Variants in ELP1 observed in about 807,000 individuals in gnomAD.
The protein encoded by ELP1 is elongator complex protein 1.
In ELP1, 131 loss-of-function variants were observed where a neutral mutation model predicts 183.2. The observed-to-expected ratio is 0.72, with a 90% CI of 0.62 to 0.83. ELP1 has a LOEUF of 0.83. Ranked by LOEUF, ELP1 falls within the 40% of genes least tolerant of loss-of-function variation. ELP1 has a pLI of 0.00. For synonymous variants in ELP1, 555 were observed against 569.0 expected, an observed-to-expected ratio of 0.98 and a Z score of 0.35; for missense variants, 1,550 against 1,594.9, an observed-to-expected ratio of 0.97 and a Z score of 0.48.
At chr9:108,876,956 C>T (rs1827727638) in intron 35 of ELP1, among the ~76,000 whole-genome samples, 1 of 152,122 alleles carries the variant, frequency 6.6e-6, no homozygotes, top group African/African-American at 2.4e-5. Context: ...GTCACGAACT[C>T]CTGACTTCAG....
At chr9:108,914,727 A>T (rs1829367102) in intron 10 of ELP1, among the ~76,000 whole-genome samples, 1 of 152,018 alleles carries the variant, frequency 6.6e-6, no homozygotes, top group African/African-American at 2.4e-5. Context: ...CCAGGTTCAC[A>T]CCATTCTCCT....
chr9:108,872,263 T>C (rs1827484830), intron 36 of ELP1, among the ~76,000 whole-genome samples: 1 of 152,200 alleles, frequency 6.6e-6, no homozygotes, highest in Non-Finnish European at 1.5e-5. Context: ...ACACTTGAGC[T>C]CACTCACCAC....
intron 34 of ELP1, 61 bp from the exon 35 acceptor site, chr9:108,878,210 T>C: frequency 6.1e-6 from 9 of 1,472,294 alleles, no homozygotes; most frequent in Non-Finnish European, 7.6e-6. Flanking sequence ...GACAGAATCA[T>C]ACATAGCTTC....
chr9:108,928,940 T>C (rs1829907166), intron 3 of ELP1, among the ~76,000 whole-genome samples: 1 of 152,190 alleles, frequency 6.6e-6, no homozygotes, highest in South Asian at 2.1e-4. Flanking sequence ...GTGACCCTGG[T>C]CTAATTACTT....
rs2230788 is a variant in ELP1, at chr9:108,926,548, C to T, written c.441G>A (p.Gln147=). 0.09 allele frequency: 145,290 copies of T among 1,611,970 alleles called. 6,925 individuals carry two copies. Among genetic ancestry groups the T allele is most frequent in the East Asian group, 0.14 (6,362 of 44,848 alleles). Residue 147 remains glutamine (Q), a synonymous_variant, in exon 5 of 37, where the codon CAG becomes CAA. Coordinates refer to ENST00000374647, the MANE Select transcript of ELP1 (RefSeq NM_003640.5). ...TTTCACCAAAATCATCCTGATGGAT[C>T]TGCTGCTCCAGGATTGGCTCAAAAT... ...TKDFEPILEQ[Q]IHQDDFGESK...
chr9:108,931,182 C>G lies in ELP1; in HGVS notation c.-36G>C. 6.3e-7 allele frequency: 1 copy of G among 1,595,472 alleles called. No homozygotes were observed. Among genetic ancestry groups the G allele is most frequent in the Non-Finnish European group, 8.6e-7 (1 of 1,163,260 alleles). On this transcript the variant is annotated 5_prime_UTR_variant, in exon 2 of 37. Coordinates refer to ENST00000374647, the MANE Select transcript of ELP1 (RefSeq NM_003640.5). ...TTCCCACGAGACAAGTACAACTATC[C>G]CTTGATGAATCATTAATCTCTAAGA...
intron 13 of ELP1, among the ~76,000 whole-genome samples, chr9:108,906,879 C>G (rs1262374105): frequency 6.6e-6 from 1 of 152,124 alleles, no homozygotes; most frequent in Non-Finnish European, 1.5e-5. Context: ...TTCCTAAGCA[C>G]CTCACATTAA....
intron 12 of ELP1, among the ~76,000 whole-genome samples, 158 bp downstream of exon 12, chr9:108,910,852 C>G (rs1309120669): frequency 1.3e-5 from 2 of 149,298 alleles, no homozygotes; most frequent in African/African-American, 5.0e-5. Context: ...AAACAAAAAC[C>G]CAAGGCAATT....
chr9:108,931,517 A>G (rs1373019160), intron 1 of ELP1, among the ~76,000 whole-genome samples: 5 of 152,232 alleles, frequency 3.3e-5, no homozygotes, highest in African/African-American at 1.2e-4. Context: ...GAACAAATGA[A>G]TGGGGAAACA....
At chr9:108,910,687 T>C (rs939816255) in intron 12 of ELP1, among the ~76,000 whole-genome samples, 1 of 152,122 alleles carries the variant, frequency 6.6e-6, no homozygotes, top group Non-Finnish European at 1.5e-5. Flanking sequence ...ACTGAAAATA[T>C]GTGTAAAGGC....
At chr9:108,875,048 A>G in intron 35 of ELP1, 78 bp from the exon 36 acceptor site, 2 of 904,704 alleles carry the variant, frequency 2.2e-6, no homozygotes, top group Non-Finnish European at 3.7e-6. Context: ...CCAAATCCCT[A>G]CCCCCAGAAA....
intron 34 of ELP1, 116 bp downstream of exon 34, chr9:108,878,507 C>A: frequency 7.2e-7 from 1 of 1,389,164 alleles, no homozygotes. Context: ...TAAAAGTTCT[C>A]ATCTTTCCTC....
chr9:108,896,144 C>T (rs1230402416), intron 25 of ELP1, among the ~76,000 whole-genome samples: 2 of 152,070 alleles, frequency 1.3e-5, no homozygotes, highest in Non-Finnish European at 2.9e-5. Context: ...GTAGTCCCAG[C>T]TACTAGAGAG....
chr9:108,933,660 C>A (rs1170551891), intron 1 of ELP1, among the ~76,000 whole-genome samples: 1 of 152,250 alleles, frequency 6.6e-6, no homozygotes, highest in Non-Finnish European at 1.5e-5. Context: ...AGCAGGCATC[C>A]CTGGGCTGTC....
At chr9:108,882,280 T>C (rs1250233624) in intron 29 of ELP1, 93 bp from the exon 30 acceptor site, 3 of 1,044,974 alleles carry the variant, frequency 2.9e-6, no homozygotes, top group South Asian at 1.3e-5. Flanking sequence ...CCTGCCTCTA[T>C]CTCCCTGGCC....
At chr9:108,920,629 GCAGGGAA>G in intron 6 of ELP1, among the ~76,000 whole-genome samples, 1 of 151,298 alleles carries the variant, frequency 6.6e-6, no homozygotes, top group Non-Finnish European at 1.5e-5. Flanking sequence ...GAGAGCCCAG[GCAGGGAA>G]CAGGCTGAGG....
At chr9:108,890,571 G>A (rs1828283934) in intron 28 of ELP1, among the ~76,000 whole-genome samples, 1 of 152,050 alleles carries the variant, frequency 6.6e-6, no homozygotes, top group Non-Finnish European at 1.5e-5. Context: ...CTCCACTCTG[G>A]TACTAGAGCC....
chr9:108,883,786 G>C (rs998743827), intron 29 of ELP1, among the ~76,000 whole-genome samples: 1 of 151,854 alleles, frequency 6.6e-6, no homozygotes. Context: ...AAGAAGTATA[G>C]CTAATAAGCC....
intron 35 of ELP1, among the ~76,000 whole-genome samples, chr9:108,876,336 A>G (rs933917068): frequency 1.3e-5 from 2 of 152,178 alleles, no homozygotes; most frequent in African/African-American, 4.8e-5. Context: ...CATTTCTTCT[A>G]AGAAATACCT....
Sources: allele counts gnomAD v4.1 joint callset (sites outside exome capture counted in the v4.1 genomes callset), GRCh38; gene constraint gnomAD v4.1.1; transcripts MANE v1.5; gene names NCBI Gene and HGNC (gene_info 2026-07-23, HGNC 2026-07-21).